The following ITGBL1 variants were observed in gnomAD, a reference collection of about 807,000 sequenced individuals.
The protein encoded by ITGBL1 is integrin beta-like protein 1.
ITGBL1 carries 51 observed loss-of-function variants against 68.5 expected under a neutral mutation model. The ratio of observed to expected loss-of-function variants is 0.74; its 90% CI spans 0.59 to 0.94. ITGBL1 has a LOEUF of 0.94. Among genes scored for constraint, ITGBL1 ranks in the 40% least tolerant of loss-of-function variants. ITGBL1 has a pLI of 0.00. For synonymous variants in ITGBL1, 209 were observed against 227.3 expected (o/e 0.92, Z 0.72); for missense variants, 649 against 647.4 (o/e 1.00, Z -0.03).
chr13:101,545,004 T>C (rs958621271), intron 2 of ITGBL1, among the ~76,000 whole-genome samples: 2 of 152,220 alleles, frequency 1.3e-5, no homozygotes, highest in African/African-American at 4.8e-5. Flanking sequence ...GCTTCCCGGG[T>C]GAGGCGATTC....
intron 2 of ITGBL1, among the ~76,000 whole-genome samples, chr13:101,560,569 T>C (rs1340755398): frequency 6.6e-6 from 1 of 152,212 alleles, no homozygotes; most frequent in Non-Finnish European, 1.5e-5. Context: ...AGTAACAGTG[T>C]ATGTAGAATA....
intron 2 of ITGBL1, among the ~76,000 whole-genome samples, chr13:101,525,790 A>T (rs1374094252): frequency 1.3e-5 from 2 of 152,074 alleles, no homozygotes; most frequent in African/African-American, 4.8e-5. Context: ...GTTAAAACTG[A>T]AGCCCTCTTT....
intron 6 of ITGBL1, among the ~76,000 whole-genome samples, chr13:101,588,297 T>TTG (rs10661136): frequency 1.1e-3 from 163 of 149,782 alleles, no homozygotes; most frequent in Non-Finnish European, 1.9e-3. Flanking sequence ...TATTCTTCCA[T>TTG]TGTGTGTGTG....
At chr13:101,588,206 C>A (rs2050590636) in intron 6 of ITGBL1, among the ~76,000 whole-genome samples, 1 of 152,066 alleles carries the variant, frequency 6.6e-6, no homozygotes, top group Non-Finnish European at 1.5e-5. Context: ...GCTGCTCTTG[C>A]TGCAAATCTT....
chr13:101,715,450 C>A, intron 10 of ITGBL1, 113 bp from the exon 11 acceptor site: 1 of 783,850 alleles, frequency 1.3e-6, no homozygotes, highest in East Asian at 2.5e-5. Context: ...ATAAGAAAAT[C>A]TACCAAGGAT....
chr13:101,522,893 A>G lies in ITGBL1; in HGVS notation c.317-44806A>G, dbSNP rs377310339. ...GGAATAAAGTCTTGGAGTTAGGACA[A>G]TGAAGCAATATCTACAAAGGACAAG... On this transcript the variant is annotated intron_variant, in intron 2 of 10. Transcript: ENST00000376180. Among the ~76,000 whole-genome samples, 34 of 152,326 alleles carry G rather than the reference A, an allele frequency of 2.2e-4. No homozygotes were observed. In the South Asian group the frequency reaches 5.4e-3, roughly 24 times the overall value.
At chr13:101,584,498 A>C (rs752338038) in intron 6 of ITGBL1, among the ~76,000 whole-genome samples, 1 of 152,176 alleles carries the variant, frequency 6.6e-6, no homozygotes, top group Admixed American at 6.5e-5. Flanking sequence ...AAAGTTTGCC[A>C]GCAAAGGGAG....
intron 2 of ITGBL1, among the ~76,000 whole-genome samples, chr13:101,515,832 A>G (rs567305099): frequency 6.6e-6 from 1 of 152,274 alleles, no homozygotes; most frequent in South Asian, 2.1e-4. Flanking sequence ...CAATTCATTT[A>G]TCATCAGTAA....
At chr13:101,539,896 G>T (rs1286791993) in intron 2 of ITGBL1, among the ~76,000 whole-genome samples, 1 of 152,270 alleles carries the variant, frequency 6.6e-6, no homozygotes, top group East Asian at 1.9e-4. Context: ...TTTTGATGGG[G>T]TTGTTTGTTT....
chr13:101,472,427 T>C (rs2048475086), intron 2 of ITGBL1, among the ~76,000 whole-genome samples: 1 of 152,226 alleles, frequency 6.6e-6, no homozygotes, highest in Non-Finnish European at 1.5e-5. Flanking sequence ...TCGTGCGTTT[T>C]CTACCTTAAA....
intron 7 of ITGBL1, among the ~76,000 whole-genome samples, chr13:101,611,235 A>C (rs147153624): frequency 6.6e-6 from 1 of 152,300 alleles, no homozygotes; most frequent in East Asian, 1.9e-4. Context: ...AGAAATGCCA[A>C]GTTAACGTTG....
intron 7 of ITGBL1, among the ~76,000 whole-genome samples, chr13:101,682,704 A>G (rs562404244): frequency 6.6e-6 from 1 of 152,030 alleles, no homozygotes; most frequent in African/African-American, 2.4e-5. Context: ...ACACATAGTA[A>G]TGTTTTCTTA....
At chr13:101,659,376 G>T (rs1457120616) in intron 7 of ITGBL1, among the ~76,000 whole-genome samples, 1 of 152,068 alleles carries the variant, frequency 6.6e-6, no homozygotes, top group African/African-American at 2.4e-5. Context: ...GGAACAATTT[G>T]AAAATGATTT....
At chr13:101,530,550 CCAAGACTGAA>C (rs2049456022) in intron 2 of ITGBL1, among the ~76,000 whole-genome samples, 2 of 152,144 alleles carry the variant, frequency 1.3e-5, no homozygotes, top group Non-Finnish European at 2.9e-5. Context: ...GCTTCCAAAA[CCAAGACTGAA>C]AGTCAAGTTT....
intron 2 of ITGBL1, among the ~76,000 whole-genome samples, chr13:101,457,839 G>C (rs1415753300): frequency 1.3e-5 from 2 of 152,000 alleles, no homozygotes; most frequent in Non-Finnish European, 2.9e-5. Context: ...AAAAAAGAAA[G>C]AATGGCAAAA....
At chr13:101,669,766 G>A (rs2033313382) in intron 7 of ITGBL1, among the ~76,000 whole-genome samples, 1 of 152,022 alleles carries the variant, frequency 6.6e-6, no homozygotes, top group African/African-American at 2.4e-5. Context: ...GATTAAAATT[G>A]CTATGTTCTT....
At chr13:101,532,533 T>G (rs2139163896) in intron 2 of ITGBL1, among the ~76,000 whole-genome samples, 1 of 152,354 alleles carries the variant, frequency 6.6e-6, no homozygotes, top group Middle Eastern at 3.4e-3. Context: ...TATTGCAGAT[T>G]TTCTAAATAG....
intron 7 of ITGBL1, among the ~76,000 whole-genome samples, chr13:101,628,255 G>C (rs903756993): frequency 2.0e-5 from 3 of 151,996 alleles, no homozygotes; most frequent in Admixed American, 2.0e-4. Flanking sequence ...CTTTAATAAG[G>C]CATCTGTTAA....
rs114010636 is a variant in ITGBL1 at position 101,483,822 on chromosome 13, T to C, written c.316+29722T>C. On this transcript the variant is annotated intron_variant, in intron 2 of 10. Coordinates refer to ENST00000376180, the MANE Select transcript of ITGBL1 (RefSeq NM_004791.3). Reference sequence around the variant, plus strand: ...CTTTAAGTGGAATGGCTTAAATAACTCAGATAATTAAAGGCTAATTAAAGG... The same window carrying C: ...CTTTAAGTGGAATGGCTTAAATAACCCAGATAATTAAAGGCTAATTAAAGG... Among the ~76,000 whole-genome samples the C allele has an allele frequency of 2.0e-3, 299 of 152,316 alleles. 1 individual carries two copies. Among genetic ancestry groups the C allele is most frequent in the African/African-American group, 6.9e-3 (285 of 41,558 alleles).
Sources: gnomAD v4.1 joint callset for allele counts (sites outside exome capture counted in the v4.1 genomes callset) on GRCh38, gnomAD v4.1.1 for gene constraint, MANE v1.5 for transcripts, NCBI Gene and HGNC (gene_info 2026-07-23, HGNC 2026-07-21) for gene names.